The following CADM1 variants were observed in gnomAD, a reference collection of about 807,000 sequenced individuals.
The protein encoded by CADM1 is cell adhesion molecule 1.
A neutral mutation model predicts 53.1 loss-of-function variants in CADM1; 15 were observed. That is an observed-to-expected ratio of 0.28 (90% CI 0.19 to 0.44). The LOEUF (loss-of-function observed/expected upper bound fraction) is 0.44, where lower values mean the gene tolerates loss of function less well. CADM1 is among the 20% of genes least tolerant of loss of function. The pLI is 1.00. For synonymous variants in CADM1, 281 were observed against 243.0 expected, an observed-to-expected ratio of 1.16 and a Z score of -1.45; for missense variants, 434 against 611.3, an observed-to-expected ratio of 0.71 and a Z score of 3.06.
At chr11:115,273,735 G>A (rs1943367917) in intron 1 of CADM1, among the ~76,000 whole-genome samples, 2 of 152,150 alleles carry the variant, frequency 1.3e-5, no homozygotes, top group Non-Finnish European at 1.5e-5. Flanking sequence ...ATATAATTAT[G>A]CAATGGGTAA....
chr11:115,212,579 G>A (rs962876677), intron 7 of CADM1, among the ~76,000 whole-genome samples: 2 of 152,162 alleles, frequency 1.3e-5, no homozygotes, highest in Non-Finnish European at 2.9e-5. Flanking sequence ...TTGGTTTTCA[G>A]ATAATGCACT....
At chr11:115,261,784 ATTT>A (rs113933840) in intron 1 of CADM1, among the ~76,000 whole-genome samples, 1 of 143,584 alleles carries the variant, frequency 7.0e-6, no homozygotes. Flanking sequence ...CTCCAATAAG[ATTT>A]TTTTTTTTTT....
chr11:115,223,919 A>C (rs182689734), intron 5 of CADM1, among the ~76,000 whole-genome samples: 31 of 151,500 alleles, frequency 2.0e-4, no homozygotes, highest in African/African-American at 7.3e-4. Context: ...CTTTAAAAAA[A>C]AAATAAAAGG....
chr11:115,201,725 CT>C (rs368440992), intron 8 of CADM1, among the ~76,000 whole-genome samples: 281 of 152,024 alleles, frequency 1.8e-3, no homozygotes, highest in Non-Finnish European at 3.1e-3. Flanking sequence ...AAAAAAAAAT[CT>C]TTGAGCTAGC....
At chr11:115,502,928 G>T (rs1388140686) in intron 1 of CADM1, among the ~76,000 whole-genome samples, 6 of 152,164 alleles carry the variant, frequency 3.9e-5, no homozygotes, top group African/African-American at 1.4e-4. Flanking sequence ...TCCGCAGGTG[G>T]GGGCTGAGCT....
chr11:115,190,874 T>C lies in CADM1; in HGVS notation c.1165+14A>G. 1.3e-6 allele frequency: 2 copies of C among 1,592,190 alleles called. No homozygotes were observed. Among genetic ancestry groups the C allele is most frequent in the Non-Finnish European group, 1.7e-6 (2 of 1,176,758 alleles). On this transcript the variant is annotated intron_variant, in intron 10 of 11. Coordinates refer to ENST00000331581, the MANE Select transcript of CADM1 (RefSeq NM_001301043.2). ...TTGGACACTGCAGTGCCTTACCTAA[T>C]GACTAGCCCTTACCTGAGAGGTCCT... is the stretch of plus-strand genomic sequence containing the variant.
intron 1 of CADM1, among the ~76,000 whole-genome samples, chr11:115,265,097 C>T (rs923486389): frequency 6.6e-6 from 1 of 152,192 alleles, no homozygotes; most frequent in Admixed American, 6.5e-5. Context: ...ATATTGTTTA[C>T]TGGACTGCCT....
chr11:115,305,900 C>CAAAAAAAAAAAAAAAAAAAAAAAAAAAA, intron 1 of CADM1, among the ~76,000 whole-genome samples: 1 of 80,840 alleles, frequency 1.2e-5, no homozygotes, highest in Non-Finnish European at 2.5e-5. Flanking sequence ...GACTCCATCT[C>CAAAAAAAAAAAAAAAAAAAAAAAAAAAA]AAAAAAAAAA....
intron 5 of CADM1, among the ~76,000 whole-genome samples, chr11:115,227,156 G>A (rs997341625): frequency 8.5e-5 from 13 of 152,146 alleles, no homozygotes; most frequent in African/African-American, 3.1e-4. Flanking sequence ...AGTATCAATT[G>A]GTGCATCCTT....
chr11:115,255,604 A>T (rs1942759523), intron 1 of CADM1, among the ~76,000 whole-genome samples: 1 of 152,212 alleles, frequency 6.6e-6, no homozygotes, highest in Admixed American at 6.5e-5. Context: ...TCCTAGAAAG[A>T]GAAATATTCC....
chr11:115,429,677 A>G (rs188783890), intron 1 of CADM1, among the ~76,000 whole-genome samples: 2 of 142,956 alleles, frequency 1.4e-5, no homozygotes, highest in African/African-American at 2.6e-5. Flanking sequence ...ATTGTGTATT[A>G]TATTTTAGAA....
At chr11:115,255,566 A>C (rs964352341) in intron 1 of CADM1, among the ~76,000 whole-genome samples, 22 of 152,218 alleles carry the variant, frequency 1.4e-4, no homozygotes, top group African/African-American at 5.3e-4. Flanking sequence ...AGTCATAAAC[A>C]CAAGACTAAC....
chr11:115,186,484 A>C (rs980517330), intron 10 of CADM1, among the ~76,000 whole-genome samples: 10 of 152,346 alleles, frequency 6.6e-5, no homozygotes, highest in Admixed American at 1.3e-4. Context: ...CAAAGGCTCC[A>C]GCACACAGGA....
intron 1 of CADM1, among the ~76,000 whole-genome samples, chr11:115,345,650 C>G (rs965388496): frequency 6.6e-6 from 1 of 152,138 alleles, no homozygotes; most frequent in Admixed American, 6.6e-5. Context: ...TTACCCACTC[C>G]CAACAACTGA....
chr11:115,238,758 TA>T, intron 2 of CADM1, 106 bp from the exon 3 acceptor site: 4 of 1,236,590 alleles, frequency 3.2e-6, no homozygotes, highest in Non-Finnish European at 4.7e-6. Context: ...CTTGACTTAC[TA>T]TTTTGGGTGT....
intron 8 of CADM1, among the ~76,000 whole-genome samples, chr11:115,200,719 T>C (rs1033983747): frequency 3.3e-5 from 5 of 152,206 alleles, no homozygotes; most frequent in African/African-American, 1.2e-4. Context: ...GGTCTCAAAC[T>C]CCAGACCTCA....
rs1282998982 is a variant in CADM1 at position 115,175,420 on chromosome 11, A to G, written c.*1054T>C. 2.0e-6 allele frequency: 2 copies of G among 985,666 alleles called. No individual in the cohort carries two copies. The highest frequency in any genetic ancestry group is 6.2e-5 in the Admixed American group (1 of 16,260). The allele number at this position is 985,666 out of a possible 1,614,324, so 61.1% of individuals were successfully genotyped here. On this transcript the variant is annotated 3_prime_UTR_variant, in exon 12 of 12. Coordinates refer to ENST00000331581, the MANE Select transcript of CADM1 (RefSeq NM_001301043.2). The stretch of plus-strand genomic sequence containing the variant: ...CTCTGTCCCATTCAGTCATTCGCAC[A>G]ACAGACGAACTTGCTTTTTCCTACA...
At chr11:115,400,066 T>C (rs1452651100) in intron 1 of CADM1, among the ~76,000 whole-genome samples, 1 of 152,194 alleles carries the variant, frequency 6.6e-6, no homozygotes, top group Non-Finnish European at 1.5e-5. Flanking sequence ...CAACAAAGAA[T>C]TGGTCGATAC....
intron 1 of CADM1, 40 bp downstream of exon 1, chr11:115,504,231 T>C (rs951069911): frequency 1.8e-4 from 276 of 1,560,928 alleles, no homozygotes; most frequent in Non-Finnish European, 2.3e-4. Context: ...TGGGGTGCCT[T>C]CGGAGATTTA....
Sources: gnomAD v4.1 joint callset for allele counts (sites outside exome capture counted in the v4.1 genomes callset) on GRCh38, gnomAD v4.1.1 for gene constraint, MANE v1.5 for transcripts, NCBI Gene and HGNC (gene_info 2026-07-23, HGNC 2026-07-21) for gene names.